Variants in SLC35F4 observed in about 807,000 individuals in gnomAD.
The protein encoded by SLC35F4 is chromosome 14 open reading frame 36.
SLC35F4 carries 24 observed loss-of-function variants against 44.2 expected under a neutral mutation model. That is an observed-to-expected ratio of 0.54 (90% CI 0.39 to 0.76). The LOEUF (loss-of-function observed/expected upper bound fraction) is 0.76, where lower values mean the gene tolerates loss of function less well. Among genes scored for constraint, SLC35F4 ranks in the 30% least tolerant of loss-of-function variants. The pLI, the probability that SLC35F4 is intolerant of heterozygous loss-of-function variation, is 0.00. For synonymous variants in SLC35F4, 238 were observed against 223.6 expected, an observed-to-expected ratio of 1.06 and a Z score of -0.57; for missense variants, 562 against 586.1, an observed-to-expected ratio of 0.96 and a Z score of 0.42.
At chr14:57,973,908 C>A (rs530764038), downstream of SLC35F4, among the ~76,000 whole-genome samples, 1 of 151,698 alleles carries the variant, frequency 6.6e-6, no homozygotes, top group Admixed American at 6.5e-5. Context: ...CCCCACCACA[C>A]CCTCTGTCAT....
At chr14:57,926,372 C>T (rs899912936) in intron 1 of SLC35F4, among the ~76,000 whole-genome samples, 2 of 152,138 alleles carry the variant, frequency 1.3e-5, no homozygotes, top group Non-Finnish European at 2.9e-5. Context: ...AGGAAATTTA[C>T]AAGCAGATGT....
At chr14:57,619,061 C>T (rs2072025663) in intron 1 of SLC35F4, among the ~76,000 whole-genome samples, 1 of 152,104 alleles carries the variant, frequency 6.6e-6, no homozygotes, top group Non-Finnish European at 1.5e-5. Flanking sequence ...ATAGATAAAA[C>T]CCCCATCTCC....
chr14:57,786,571 T>A (rs752336546), intron 1 of SLC35F4, among the ~76,000 whole-genome samples: 1 of 152,130 alleles, frequency 6.6e-6, no homozygotes, highest in Non-Finnish European at 1.5e-5. Context: ...GGGAGGTCCA[T>A]AGATGGTTCA....
At chr14:57,737,118 G>GTGTT (rs2140494407) in intron 1 of SLC35F4, among the ~76,000 whole-genome samples, 2 of 151,288 alleles carry the variant, frequency 1.3e-5, no homozygotes, top group South Asian at 4.2e-4. Flanking sequence ...GTGTGTGTGT[G>GTGTT]TGTGTGCATG....
chr14:57,671,862 T>C (rs764424213), intron 1 of SLC35F4, among the ~76,000 whole-genome samples: 9 of 152,090 alleles, frequency 5.9e-5, no homozygotes, highest in Non-Finnish European at 1.3e-4. Flanking sequence ...TGACACTCTA[T>C]TAATTCTCCC....
chr14:57,723,780 C>T (rs10143384), intron 1 of SLC35F4, among the ~76,000 whole-genome samples: 60,147 of 151,982 alleles, frequency 0.4, 11,928 homozygotes, highest in Middle Eastern at 0.41. Context: ...GATCTTGATT[C>T]CTTTTTGCTT....
At chr14:57,722,723 G>A (rs1175466744) in intron 1 of SLC35F4, among the ~76,000 whole-genome samples, 10 of 152,228 alleles carry the variant, frequency 6.6e-5, no homozygotes, top group African/African-American at 1.2e-4. Flanking sequence ...AATTAATCAC[G>A]GTGTTCCTAG....
At chr14:57,671,217 G>C (rs1207221718) in intron 1 of SLC35F4, among the ~76,000 whole-genome samples, 1 of 152,082 alleles carries the variant, frequency 6.6e-6, no homozygotes, top group Non-Finnish European at 1.5e-5. Context: ...TTAGGCACTG[G>C]AACTGCCTCA....
At chr14:57,664,616 G>C (rs1286573704) in intron 1 of SLC35F4, among the ~76,000 whole-genome samples, 1 of 152,078 alleles carries the variant, frequency 6.6e-6, no homozygotes, top group African/African-American at 2.4e-5. Context: ...TCACCATGTT[G>C]GCTAAGCTGG....
intron 1 of SLC35F4, among the ~76,000 whole-genome samples, chr14:57,900,605 C>A (rs530590849): frequency 6.6e-6 from 1 of 152,138 alleles, no homozygotes; most frequent in African/African-American, 2.4e-5. Context: ...ACAGAGAATG[C>A]CTAACAAGGC....
intron 1 of SLC35F4, 147 bp from the exon 2 acceptor site, chr14:57,594,271 C>G: frequency 1.3e-6 from 1 of 762,036 alleles, no homozygotes; most frequent in Non-Finnish European, 2.0e-6. Flanking sequence ...GTCACTGCAG[C>G]CTCTGCCTCC....
chr14:57,637,271 G>A (rs1265510609), intron 1 of SLC35F4, among the ~76,000 whole-genome samples: 1 of 152,132 alleles, frequency 6.6e-6, no homozygotes, highest in East Asian at 1.9e-4. Flanking sequence ...GCTGGATGCT[G>A]ATGACAATAA....
chr14:57,683,672 GACAAAT>G (rs1309435012), intron 1 of SLC35F4, among the ~76,000 whole-genome samples: 1 of 152,104 alleles, frequency 6.6e-6, no homozygotes, highest in African/African-American at 2.4e-5. Context: ...ACTATTTTGT[GACAAAT>G]TTCCTGTCAC....
intron 1 of SLC35F4, among the ~76,000 whole-genome samples, chr14:57,953,766 G>T (rs1890185688): frequency 6.6e-6 from 1 of 152,142 alleles, no homozygotes; most frequent in South Asian, 2.1e-4. Context: ...GGAGCACCCA[G>T]ATTCATAAAG....
At position 57,564,007 on chromosome 14, in the gene SLC35F4, T is replaced by C. The variant is rs1056728612; in HGVS notation, c.*128A>G. On this transcript the variant is annotated 3_prime_UTR_variant, in exon 8 of 8. Coordinates refer to ENST00000556826, the MANE Select transcript of SLC35F4 (RefSeq NM_001306087.2). Reference sequence around the variant, plus strand: ...AGCATATAAATGTAAACTTTTATTGTTGGCATTATTTCACATATGATTTAT... The same window carrying C: ...AGCATATAAATGTAAACTTTTATTGCTGGCATTATTTCACATATGATTTAT... The C allele has an allele frequency of 5.0e-6, 5 of 998,410 alleles. No homozygotes were observed. Among genetic ancestry groups the C allele is most frequent in the African/African-American group, 4.9e-5 (3 of 61,350 alleles). 61.8% of individuals were successfully genotyped at this position (998,410 alleles called of 1,614,324 possible).
intron 1 of SLC35F4, among the ~76,000 whole-genome samples, chr14:57,649,409 CCT>C (rs1269871631): frequency 3.9e-5 from 6 of 152,084 alleles, no homozygotes; most frequent in African/African-American, 1.4e-4. Context: ...CTCATGATCC[CCT>C]ATCACCCCTG....
At chr14:57,898,753 A>C (rs930623011) in intron 1 of SLC35F4, among the ~76,000 whole-genome samples, 1 of 152,172 alleles carries the variant, frequency 6.6e-6, no homozygotes, top group African/African-American at 2.4e-5. Context: ...TATGGAAATA[A>C]ATATCCAGTT....
chr14:57,766,666 T>C (rs554134655), intron 1 of SLC35F4, among the ~76,000 whole-genome samples: 2 of 152,348 alleles, frequency 1.3e-5, no homozygotes, highest in East Asian at 3.9e-4. Flanking sequence ...AAATTTATTT[T>C]ATAGTCATAG....
intron 1 of SLC35F4, among the ~76,000 whole-genome samples, chr14:57,845,603 C>T (rs1477433519): frequency 6.6e-6 from 1 of 152,184 alleles, no homozygotes; most frequent in Non-Finnish European, 1.5e-5. Flanking sequence ...TTGAAAGCCA[C>T]AGGAAAGTTA....
Sources: allele counts gnomAD v4.1 joint callset (sites outside exome capture counted in the v4.1 genomes callset), GRCh38; gene constraint gnomAD v4.1.1; transcripts MANE v1.5; gene names NCBI Gene and HGNC (gene_info 2026-07-23, HGNC 2026-07-21).